The following KLK15 variants were observed in gnomAD, a reference collection of about 807,000 sequenced individuals.
KLK15 encodes the protein kallikrein related peptidase 15, also known as kallikrein-15.
A neutral mutation model predicts 21.1 loss-of-function variants in KLK15; 19 were observed. The observed-to-expected ratio is 0.90, with a 90% CI of 0.63 to 1.32. The LOEUF is 1.32. Ranked by LOEUF, KLK15 falls within the 40% of genes most tolerant of loss-of-function variation. The probability of loss-of-function intolerance (pLI) is 0.00; values close to 1 mark genes in which losing one functional copy is unlikely to be tolerated. For synonymous variants in KLK15, 141 were observed against 141.5 expected (o/e 1.00, Z 0.03); for missense variants, 345 against 348.6 (o/e 0.99, Z 0.08).
At chr19:50,829,713 G>A (rs1056596428) in intron 1 of KLK15, among the ~76,000 whole-genome samples, 3 of 151,702 alleles carry the variant, frequency 2.0e-5, no homozygotes, top group Non-Finnish European at 2.9e-5. Context: ...CTAGCTACTC[G>A]GGAGGCAGAG....
intron 3 of KLK15, 56 bp downstream of exon 4, chr19:50,826,822 G>A: frequency 6.4e-7 from 1 of 1,569,474 alleles, no homozygotes. Context: ...CCGCCCAAGA[G>A]CCCTGGAGCA....
chr19:50,826,504 C>T, intron 4 of KLK15, 117 bp downstream of exon 5: 1 of 1,292,252 alleles, frequency 7.7e-7, no homozygotes, highest in East Asian at 2.4e-5. Context: ...TACTCCATCT[C>T]CAAGCCTAAC....
exon 5 of KLK15, chr19:50,825,865 G>C (rs1187922089): frequency 6.2e-7 from 1 of 1,613,836 alleles, no homozygotes; most frequent in Admixed American, 1.7e-5. Flanking sequence ...CACCAGGCTT[G>C]GTGGTGTTGT....
rs1419064155 is a variant in KLK15, at chr19:50,826,693, CTT to C, written c.544_545del (p.Lys182GlufsTer24). The C allele has an allele frequency of 6.2e-7, 1 of 1,614,098 alleles. No homozygotes were observed. Among genetic ancestry groups the C allele is most frequent in the Non-Finnish European group, 8.5e-7 (1 of 1,180,016 alleles). ...TGTTTGTCAGGCGCCCTGGGTAGCT[CTT>C]GTCACAAGATGTGTCCGAGATAATG... On this transcript the variant is annotated frameshift_variant, in exon 4 of 5. Coordinates refer to ENST00000598239, the Ensembl canonical transcript of KLK15. LOFTEE classifies it high-confidence loss of function.
At chr19:50,826,519 GC>G in intron 4 of KLK15, 101 bp downstream of exon 5, 1 of 1,371,982 alleles carries the variant, frequency 7.3e-7, no homozygotes, top group Non-Finnish European at 9.8e-7. Context: ...CCTAACCCTA[GC>G]ATCTTCTCTG....
chr19:50,825,632 T>C (rs970393647), downstream of KLK15: 10 of 602,928 alleles, frequency 1.7e-5, no homozygotes, highest in Middle Eastern at 4.5e-4. Flanking sequence ...ACAGGTGACC[T>C]TGAGCGCCAG....
At chr19:50,828,968 T>TAAAA (rs2089933952) in intron 1 of KLK15, among the ~76,000 whole-genome samples, 1 of 38,900 alleles carries the variant, frequency 2.6e-5, no homozygotes, top group African/African-American at 1.5e-4. Flanking sequence ...AAACTCCATC[T>TAAAA]CAAAAAAAAA....
chr19:50,828,095 G>C (rs1336534836), intron 1 of KLK15, among the ~76,000 whole-genome samples: 1 of 151,368 alleles, frequency 6.6e-6, no homozygotes, highest in East Asian at 1.9e-4. Context: ...TGAGGTGCCC[G>C]CCACCACACC....
At chr19:50,827,844 G>A (rs550653505) in intron 1 of KLK15, 29 bp from the exon 3 acceptor site, 1 of 1,606,584 alleles carries the variant, frequency 6.2e-7, no homozygotes, top group South Asian at 1.1e-5. Context: ...GATGCCTGAG[G>A]ACAGGGACGT....
chr19:50,833,524 C>T (rs995939808), upstream of KLK15, among the ~76,000 whole-genome samples: 5 of 152,196 alleles, frequency 3.3e-5, no homozygotes, highest in African/African-American at 1.2e-4. Context: ...TCAAAGCTCT[C>T]ACCTCCTCCA....
At position 50,827,588 on chromosome 19, in the gene KLK15, C is replaced by T. The variant is rs879727456; in HGVS notation, c.197+74G>A. 14 of 1,491,726 alleles carry T rather than the reference C, an allele frequency of 9.4e-6. 1 individual carries two copies. The highest frequency in any genetic ancestry group is 1.1e-5 in the Non-Finnish European group (12 of 1,087,594). 92.4% of individuals were successfully genotyped at this position (1,491,726 alleles called of 1,614,324 possible). On this transcript the variant is annotated intron_variant, in intron 2 of 4. Coordinates refer to ENST00000598239, the Ensembl canonical transcript of KLK15. The stretch of plus-strand genomic sequence containing the variant: ...ACCCAGGAGTTCTGGCGTCTGCCTC[C>T]GTCTTCCCCCAAATCTAGGAGCTCT...
At chr19:50,831,344 A>T in intron 1 of KLK15, 106 bp downstream of exon 2, 1 of 768,818 alleles carries the variant, frequency 1.3e-6, no homozygotes, top group Non-Finnish European at 1.9e-6. Context: ...AAGGATCTTT[A>T]GTGGTCTCTG....
Position 50,827,171 on chromosome 19 carries a change from C to A in KLK15, c.198-10G>T. ...GCGCACTCTCATGAAGCTGTGCGGG[C>A]GAGTGGTTTTCCCGCCAGTGGAGTG... On this transcript the variant is annotated splice_polypyrimidine_tract_variant and intron_variant, in intron 2 of 4. Coordinates refer to ENST00000598239, the Ensembl canonical transcript of KLK15. 1 of 1,560,278 alleles carries A rather than the reference C, an allele frequency of 6.4e-7. No individual in the cohort carries two copies. The highest frequency in any genetic ancestry group is 1.7e-5 in the Admixed American group (1 of 57,676).
exon 2 of KLK15, chr19:50,827,685 C>CTTT: frequency 6.2e-7 from 1 of 1,611,202 alleles, no homozygotes; most frequent in Non-Finnish European, 8.5e-7. Context: ...GGGCCGCAGA[C>CTTT]AGCACCCAGT....
At chr19:50,831,793 T>A (rs55786312), upstream of KLK15, among the ~76,000 whole-genome samples, 30,188 of 149,514 alleles carry the variant, frequency 0.2, 3,315 homozygotes, top group Middle Eastern at 0.25. Context: ...CTCTCCATCA[T>A]CACCAAGGAC....
At chr19:50,826,067 C>T (rs759937430) in intron 4 of KLK15, 119 bp from the exon 6 acceptor site, 1 of 1,013,112 alleles carries the variant, frequency 9.9e-7, no homozygotes, top group Non-Finnish European at 1.4e-6. Context: ...GAACCCCAAC[C>T]CAACTCAACT....
exon 1 of KLK15, chr19:50,831,470 G>A (rs374625687): frequency 2.5e-5 from 36 of 1,448,938 alleles, no homozygotes; most frequent in Non-Finnish European, 3.2e-5. Context: ...CAGCAGGAAG[G>A]AGAGAGTGAG....
downstream of KLK15, chr19:50,825,544 T>C: frequency 2.8e-6 from 1 of 362,798 alleles, no homozygotes; most frequent in Non-Finnish European, 5.0e-6. Context: ...GTCTCGGGGT[T>C]TCTCTTTGAC....
chr19:50,830,832 C>A (rs923551271), intron 1 of KLK15, among the ~76,000 whole-genome samples: 1 of 152,108 alleles, frequency 6.6e-6, no homozygotes, highest in Admixed American at 6.5e-5. Context: ...GTCGGTGGTG[C>A]CCACCACACA....
Sources: allele counts gnomAD v4.1 joint callset (sites outside exome capture counted in the v4.1 genomes callset), GRCh38; gene constraint gnomAD v4.1.1; transcripts MANE v1.5; gene names NCBI Gene and HGNC (gene_info 2026-07-23, HGNC 2026-07-21).